The following DOCK3 variants were observed in gnomAD, a reference collection of about 807,000 sequenced individuals.
DOCK3 encodes dedicator of cytokinesis protein 3.
In DOCK3, 60 loss-of-function variants were observed where a neutral mutation model predicts 265.6. The observed-to-expected ratio is 0.23, with a 90% CI of 0.18 to 0.28. The LOEUF (loss-of-function observed/expected upper bound fraction) is 0.28. DOCK3 is among the 10% of genes least tolerant of loss of function. The pLI, the probability that DOCK3 is intolerant of heterozygous loss-of-function variation, is 1.00. For synonymous variants in DOCK3, 881 were observed against 938.0 expected (o/e 0.94, Z 1.11); for missense variants, 1,981 against 2,594.3 (o/e 0.76, Z 5.14).
At chr3:51,301,895 A>C (rs1470434977) in intron 27 of DOCK3, among the ~76,000 whole-genome samples, 1 of 152,122 alleles carries the variant, frequency 6.6e-6, no homozygotes, top group Non-Finnish European at 1.5e-5. Context: ...TGCCAAGAAG[A>C]ATGTATATTC....
At chr3:50,958,109 A>G (rs570486204) in intron 5 of DOCK3, among the ~76,000 whole-genome samples, 1 of 152,174 alleles carries the variant, frequency 6.6e-6, no homozygotes, top group African/African-American at 2.4e-5. Context: ...GTCCAGTCCC[A>G]CTGCTATTGT....
intron 9 of DOCK3, among the ~76,000 whole-genome samples, chr3:51,102,508 A>G (rs1169693944): frequency 1.3e-5 from 2 of 152,252 alleles, no homozygotes; most frequent in African/African-American, 2.4e-5. Flanking sequence ...ATGTTTAAAA[A>G]CAAAGTCTGG....
chr3:51,083,952 C>G (rs1384576596), intron 7 of DOCK3, among the ~76,000 whole-genome samples: 1 of 152,024 alleles, frequency 6.6e-6, no homozygotes, highest in Non-Finnish European at 1.5e-5. Flanking sequence ...CCACTGTACT[C>G]CAGCCTGGGC....
intron 23 of DOCK3, among the ~76,000 whole-genome samples, chr3:51,267,587 T>A (rs116709473): frequency 4.6e-5 from 7 of 152,266 alleles, no homozygotes; most frequent in Non-Finnish European, 7.4e-5. Flanking sequence ...GGTTTCATCC[T>A]GTTTGCCAGG....
chr3:51,242,360 G>A (rs1021680812), intron 21 of DOCK3, among the ~76,000 whole-genome samples: 3 of 152,132 alleles, frequency 2.0e-5, no homozygotes, highest in Non-Finnish European at 4.4e-5. Flanking sequence ...ATAAGCCAAA[G>A]TGGTTCATAG....
chr3:51,260,231 G>A lies in DOCK3; in HGVS notation c.2260G>A (p.Glu754Lys). Residue 754 changes from glutamate to lysine, a missense_variant, in exon 23 of 53, where the codon GAA (glutamate) becomes AAA (lysine). Physicochemically the swap from Glu to Lys is moderately conservative, Grantham distance 56. Coordinates refer to ENST00000266037, the MANE Select transcript of DOCK3 (RefSeq NM_004947.5). The stretch of plus-strand genomic sequence containing the variant: ...ACGAGCCACTTGTGGAATGGAAGAG[G>A]AACAATTCAGATCCAGTATCCAAGA... ...YSRATCGMEE[E>K]QFRSSIQELF... 6 of 1,613,876 alleles carry A rather than the reference G, an allele frequency of 3.7e-6. No homozygotes were observed. The highest frequency in any genetic ancestry group is 5.1e-6 in the Non-Finnish European group (6 of 1,179,848).
intron 5 of DOCK3, among the ~76,000 whole-genome samples, chr3:50,983,105 C>T (rs1205744219): frequency 1.3e-5 from 2 of 152,196 alleles, no homozygotes; most frequent in African/African-American, 4.8e-5. Flanking sequence ...GAGGCAGTGC[C>T]GGCATACCAG....
intron 2 of DOCK3, among the ~76,000 whole-genome samples, chr3:50,794,976 G>T (rs560479070): frequency 3.1e-4 from 47 of 152,084 alleles, no homozygotes; most frequent in Admixed American, 1.4e-3. Flanking sequence ...CTTATTTCTT[G>T]TTGGCTTGTG....
chr3:51,365,520 T>C (rs1426290979), intron 49 of DOCK3, among the ~76,000 whole-genome samples: 1 of 152,194 alleles, frequency 6.6e-6, no homozygotes, highest in Non-Finnish European at 1.5e-5. Flanking sequence ...CTTCCAACAC[T>C]ATGTTGAATA....
At chr3:50,935,904 A>G (rs901769950) in intron 5 of DOCK3, among the ~76,000 whole-genome samples, 1 of 152,222 alleles carries the variant, frequency 6.6e-6, no homozygotes, top group Non-Finnish European at 1.5e-5. Context: ...TAGTATAATA[A>G]TGTTCAGGAT....
chr3:51,107,042 G>A (rs189918926), intron 9 of DOCK3, among the ~76,000 whole-genome samples: 35 of 152,328 alleles, frequency 2.3e-4, no homozygotes, highest in Middle Eastern at 3.4e-3. Context: ...TCAAAGCCAA[G>A]CTTGATATCA....
intron 1 of DOCK3, among the ~76,000 whole-genome samples, chr3:50,704,277 C>G (rs1288747370): frequency 6.6e-6 from 1 of 151,972 alleles, no homozygotes; most frequent in Non-Finnish European, 1.5e-5. Flanking sequence ...CTGTAAATAT[C>G]TGTTAGGTCC....
intron 5 of DOCK3, among the ~76,000 whole-genome samples, chr3:51,041,205 T>TATATATATATATATATA (rs1161128365): frequency 8.9e-5 from 1 of 11,178 alleles, no homozygotes; most frequent in Non-Finnish European, 1.3e-4. Context: ...TATATATATA[T>TATATATATATATATATA]TTTTTTTTTT....
chr3:50,993,077 C>T (rs1052878004), intron 5 of DOCK3, among the ~76,000 whole-genome samples: 1 of 152,172 alleles, frequency 6.6e-6, no homozygotes, highest in Admixed American at 6.5e-5. Context: ...TCCTCAATCC[C>T]TTGGGGTAAT....
At chr3:51,293,002 C>G (rs560099409) in intron 27 of DOCK3, among the ~76,000 whole-genome samples, 21 of 152,254 alleles carry the variant, frequency 1.4e-4, no homozygotes, top group Middle Eastern at 6.8e-3. Flanking sequence ...ACAGATATCT[C>G]ATGTTTATGG....
chr3:50,716,144 T>C (rs535407226), intron 1 of DOCK3, among the ~76,000 whole-genome samples: 1 of 152,200 alleles, frequency 6.6e-6, no homozygotes, highest in East Asian at 1.9e-4. Flanking sequence ...GAGTACAGCA[T>C]ACCAGATGAA....
At chr3:50,744,436 ATT>A (rs36071655) in intron 1 of DOCK3, among the ~76,000 whole-genome samples, 163 of 131,796 alleles carry the variant, frequency 1.2e-3, no homozygotes, top group South Asian at 5.3e-3. Flanking sequence ...TCTTCAGTTA[ATT>A]TTTTTTTTTT....
At chr3:51,269,183 A>G (rs949608236) in intron 23 of DOCK3, among the ~76,000 whole-genome samples, 1 of 147,948 alleles carries the variant, frequency 6.8e-6, no homozygotes, top group South Asian at 2.1e-4. Flanking sequence ...ACATATAATA[A>G]TATACATATA....
intron 5 of DOCK3, among the ~76,000 whole-genome samples, chr3:51,019,563 C>T (rs1297340353): frequency 6.6e-6 from 1 of 151,766 alleles, no homozygotes; most frequent in Non-Finnish European, 1.5e-5. Context: ...ACAGATCAAC[C>T]CATCACCTAG....
Sources: allele counts gnomAD v4.1 joint callset (sites outside exome capture counted in the v4.1 genomes callset), GRCh38; gene constraint gnomAD v4.1.1; transcripts MANE v1.5; gene names NCBI Gene and HGNC (gene_info 2026-07-23, HGNC 2026-07-21).